The following RABL3 variants were observed in gnomAD, a reference collection of about 807,000 sequenced individuals.
RABL3 encodes the protein RAB, member of RAS oncogene family like 3.
A neutral mutation model predicts 31.8 loss-of-function variants in RABL3; 31 were observed. The ratio of observed to expected loss-of-function variants is 0.97; its 90% CI spans 0.73 to 1.31. The LOEUF (loss-of-function observed/expected upper bound fraction) is 1.31. Ranked by LOEUF, RABL3 falls within the 40% of genes most tolerant of loss-of-function variation. The probability of loss-of-function intolerance (pLI) is 0.00; values close to 1 mark genes in which losing one functional copy is unlikely to be tolerated. For missense variants in RABL3, 263 were observed against 279.6 expected (o/e 0.94, Z 0.42); for synonymous variants, 97 against 99.9 (o/e 0.97, Z 0.18).
At chr3:120,714,695 C>T (rs969616778) in intron 2 of RABL3, among the ~76,000 whole-genome samples, 3 of 152,140 alleles carry the variant, frequency 2.0e-5, no homozygotes, top group Admixed American at 6.6e-5. Context: ...GACTTTACAA[C>T]ATATCCAGTA....
intron 2 of RABL3, among the ~76,000 whole-genome samples, chr3:120,715,553 TAATA>T: frequency 6.6e-6 from 1 of 151,836 alleles, no homozygotes; most frequent in South Asian, 2.1e-4. Context: ...ATAATAATAA[TAATA>T]AATAAAAAAA....
chr3:120,727,535 C>T (rs1368833435), intron 2 of RABL3, among the ~76,000 whole-genome samples: 1 of 151,780 alleles, frequency 6.6e-6, no homozygotes, highest in Non-Finnish European at 1.5e-5. Context: ...AAAAAAAATA[C>T]CAATCTTAAA....
chr3:120,706,077 G>A lies in RABL3; in HGVS notation c.306C>T (p.Ser102=). The stretch of plus-strand genomic sequence containing the variant: ...ATGACCAACGACGCAAGTTTTGGGA[G>A]GACTTCTTATTTGTTAAGTCGTGTA... The part of the protein sequence containing the change: ...IFVHDLTNKK[S]SQNLRRWSLE... Residue 102 remains serine (S), a synonymous_variant, in exon 4 of 8, where the codon TCC becomes TCT. Coordinates refer to ENST00000273375, the MANE Select transcript of RABL3 (RefSeq NM_173825.5). The A allele has an allele frequency of 1.2e-6, 2 of 1,613,486 alleles. No homozygotes were observed. Among genetic ancestry groups the A allele is most frequent in the Non-Finnish European group, 1.7e-6 (2 of 1,179,494 alleles).
intron 2 of RABL3, among the ~76,000 whole-genome samples, chr3:120,716,587 C>T (rs1041008084): frequency 6.7e-6 from 1 of 149,600 alleles, no homozygotes; most frequent in African/African-American, 2.5e-5. Context: ...GCACATTGTG[C>T]ACATGTACCC....
chr3:120,699,363 T>G (rs1708470954), intron 4 of RABL3, among the ~76,000 whole-genome samples: 1 of 152,214 alleles, frequency 6.6e-6, no homozygotes, highest in African/African-American at 2.4e-5. Flanking sequence ...ACAATCCTTA[T>G]TTTTTAAAAA....
intron 2 of RABL3, chr3:120,722,501 C>A (rs1166291648): frequency 6.6e-6 from 1 of 152,194 alleles, no homozygotes; most frequent in South Asian, 2.1e-4. Context: ...GCCACATCCC[C>A]TATAACAGAA....
intron 2 of RABL3, among the ~76,000 whole-genome samples, chr3:120,719,617 G>A (rs1375488134): frequency 6.6e-6 from 1 of 152,224 alleles, no homozygotes; most frequent in Non-Finnish European, 1.5e-5. Flanking sequence ...ACAGCAGTCT[G>A]AGAGCAAACT....
At chr3:120,715,524 G>A (rs1435411265) in intron 2 of RABL3, among the ~76,000 whole-genome samples, 1 of 151,916 alleles carries the variant, frequency 6.6e-6, no homozygotes, top group Non-Finnish European at 1.5e-5. Flanking sequence ...GCAACAGAAT[G>A]AGACTCTTTT....
intron 1 of RABL3, among the ~76,000 whole-genome samples, chr3:120,735,399 ATC>A (rs1204669364): frequency 6.6e-6 from 1 of 151,780 alleles, no homozygotes; most frequent in Non-Finnish European, 1.5e-5. Context: ...TATCCCCTTT[ATC>A]ATTTTTTATT....
chr3:120,729,283 G>A (rs930421093), intron 2 of RABL3, among the ~76,000 whole-genome samples: 51 of 152,150 alleles, frequency 3.4e-4, no homozygotes, highest in African/African-American at 1.2e-3. Flanking sequence ...TATCTGAGCT[G>A]AGAAATTGAA....
intron 2 of RABL3, among the ~76,000 whole-genome samples, chr3:120,718,747 A>G (rs911146877): frequency 6.6e-6 from 1 of 152,214 alleles, no homozygotes; most frequent in Non-Finnish European, 1.5e-5. Flanking sequence ...GGACACAGAA[A>G]GATGAAAGTT....
rs952531783 is a variant in RABL3 at position 120,687,663 on chromosome 3, A to G, written c.*2160T>C. The G allele has an allele frequency of 3.3e-5, 5 of 152,158 alleles. No homozygotes were observed. Among genetic ancestry groups the G allele is most frequent in the Admixed American group, 2.0e-4 (3 of 15,278 alleles). The allele number at this position is 152,158 out of a possible 1,614,324, so 9.4% of individuals were successfully genotyped here. A position where few individuals can be genotyped will look rare whatever the true frequency, so the allele number is the denominator to read the frequency against. On this transcript the variant is annotated 3_prime_UTR_variant, in exon 8 of 8. Coordinates refer to ENST00000273375, the MANE Select transcript of RABL3 (RefSeq NM_173825.5). ...ATTATTAAAAACTATTTTTTCTTAG[A>G]AAACTATAATTCAAGGAATCAAGCT... is the stretch of plus-strand genomic sequence containing the variant.
intron 2 of RABL3, among the ~76,000 whole-genome samples, chr3:120,717,480 T>C (rs963602289): frequency 3.9e-5 from 6 of 152,170 alleles, no homozygotes; most frequent in Non-Finnish European, 7.3e-5. Flanking sequence ...TGTTTTGTTT[T>C]GTTTTTGAGA....
intron 1 of RABL3, among the ~76,000 whole-genome samples, chr3:120,737,947 G>A (rs1351693356): frequency 6.6e-6 from 1 of 152,222 alleles, no homozygotes; most frequent in Non-Finnish European, 1.5e-5. Flanking sequence ...ACTGGAGGGT[G>A]CCTCCCAGTT....
chr3:120,704,310 A>G (rs139815992), intron 4 of RABL3, among the ~76,000 whole-genome samples: 2 of 152,362 alleles, frequency 1.3e-5, no homozygotes, highest in African/African-American at 2.4e-5. Flanking sequence ...AGCCTAAAGA[A>G]GCAGCCACAT....
At chr3:120,705,814 A>G (rs1323052810) in intron 4 of RABL3, among the ~76,000 whole-genome samples, 186 bp downstream of exon 4, 2 of 152,252 alleles carry the variant, frequency 1.3e-5, no homozygotes, top group Admixed American at 1.3e-4. Flanking sequence ...ATAGAAGAAA[A>G]GAAGAGTAAT....
intron 5 of RABL3, 83 bp from the exon 6 acceptor site, chr3:120,694,307 T>A: frequency 1.2e-6 from 1 of 859,316 alleles, no homozygotes; most frequent in Non-Finnish European, 1.9e-6. Context: ...TGTTGCATAT[T>A]TCTGTAGGCA....
intron 4 of RABL3, among the ~76,000 whole-genome samples, chr3:120,705,297 T>C (rs555989260): frequency 1.3e-5 from 2 of 152,286 alleles, no homozygotes; most frequent in South Asian, 4.1e-4. Flanking sequence ...TTTGTCAATA[T>C]AGACAAGCTG....
At chr3:120,736,151 G>A (rs1326478705) in intron 1 of RABL3, among the ~76,000 whole-genome samples, 2 of 152,176 alleles carry the variant, frequency 1.3e-5, no homozygotes, top group African/African-American at 2.4e-5. Flanking sequence ...GGGTGTTAAA[G>A]TCTCCCATTT....
Sources: gnomAD v4.1 joint callset for allele counts (sites outside exome capture counted in the v4.1 genomes callset) on GRCh38, gnomAD v4.1.1 for gene constraint, MANE v1.5 for transcripts, NCBI Gene and HGNC (gene_info 2026-07-23, HGNC 2026-07-21) for gene names.